CACHD1: variants seen among roughly 807,000 people sequenced by gnomAD.
CACHD1 encodes cache domain containing 1, also known as VWFA and cache domain-containing protein 1.
A neutral mutation model predicts 138.7 loss-of-function variants in CACHD1; 71 were observed. The observed-to-expected ratio is 0.51, with a 90% confidence interval of 0.42 to 0.62. The LOEUF is 0.62. Ranked by LOEUF, CACHD1 falls within the 20% of genes least tolerant of loss-of-function variation. CACHD1 has a pLI of 0.00. For missense variants in CACHD1, 1,389 were observed against 1,625.3 expected (o/e 0.85, Z 2.50); for synonymous variants, 578 against 591.5 (o/e 0.98, Z 0.33).
At chr1:64,504,760 T>C (rs1646358691) in intron 1 of CACHD1, among the ~76,000 whole-genome samples, 1 of 152,136 alleles carries the variant, frequency 6.6e-6, no homozygotes, top group Non-Finnish European at 1.5e-5. Flanking sequence ...TGTACCTACT[T>C]TGAGGTGGAC....
Position 64,562,622 on chromosome 1 carries a change from C to T in CACHD1, c.261+11966C>T, listed in dbSNP as rs963465502. On this transcript the variant is annotated intron_variant, in intron 2 of 26. Coordinates refer to ENST00000651257, the MANE Select transcript of CACHD1 (RefSeq NM_020925.4). ...TATTTTAGTAGAGATGGGGTTTCAC[C>T]ATGTTGACCAAGATGGTGTCGATCT... Among the ~76,000 whole-genome samples, 4 of 149,512 alleles carry T rather than the reference C, an allele frequency of 2.7e-5. No individual in the cohort carries two copies. The East Asian group carries it at 7.8e-4, about 29-fold the overall frequency.
At chr1:64,662,071 A>C (rs1000189122) in intron 13 of CACHD1, among the ~76,000 whole-genome samples, 2 of 152,346 alleles carry the variant, frequency 1.3e-5, no homozygotes, top group Non-Finnish European at 2.9e-5. Flanking sequence ...CTACCAATCC[A>C]GAAGAAACAG....
chr1:64,640,741 TTATATATATATA>T (rs67605354), intron 7 of CACHD1, among the ~76,000 whole-genome samples: 147,297 of 149,408 alleles, frequency 0.99, 72,643 homozygotes, highest in East Asian at 1. Flanking sequence ...ACTCTCAACA[TTATATATATATA>T]TATATATATA....
intron 1 of CACHD1, among the ~76,000 whole-genome samples, chr1:64,532,175 G>A (rs1015976027): frequency 2.0e-5 from 3 of 152,206 alleles, no homozygotes; most frequent in Admixed American, 6.5e-5. Flanking sequence ...TACATTCTAA[G>A]TAGCAGAGAG....
Position 64,492,929 on chromosome 1 carries a change from A to G in CACHD1, c.198+21987A>G, listed in dbSNP as rs1027631913. On this transcript the variant is annotated intron_variant, in intron 1 of 26. Transcript: ENST00000651257. The stretch of plus-strand genomic sequence containing the variant: ...TGTGAGATACTTAGCAGTAGAGACT[A>G]CATCTGCTTTCCCTGAATCCCTACC... 2.6e-5 allele frequency among the ~76,000 whole-genome samples: 4 copies of G among 152,304 alleles called. No individual in the cohort carries two copies. The East Asian group carries it at 5.8e-4, about 22-fold the overall frequency.
At chr1:64,580,492 A>G (rs1297443801) in intron 2 of CACHD1, among the ~76,000 whole-genome samples, 2 of 152,204 alleles carry the variant, frequency 1.3e-5, no homozygotes, top group Non-Finnish European at 2.9e-5. Flanking sequence ...CATACCCAAG[A>G]ATAGCCCTTA....
intron 4 of CACHD1, among the ~76,000 whole-genome samples, chr1:64,606,393 G>A (rs1323694243): frequency 6.6e-6 from 1 of 152,158 alleles, no homozygotes; most frequent in Non-Finnish European, 1.5e-5. Context: ...TGAATTGAGT[G>A]ACTGTTTGGT....
At chr1:64,632,952 G>A (rs1324655026) in intron 6 of CACHD1, among the ~76,000 whole-genome samples, 2 of 152,148 alleles carry the variant, frequency 1.3e-5, no homozygotes, top group Non-Finnish European at 2.9e-5. Flanking sequence ...GAACACCTAG[G>A]TTAGCCCTCA....
chr1:64,561,469 A>T (rs925554198), intron 2 of CACHD1, among the ~76,000 whole-genome samples: 1 of 152,196 alleles, frequency 6.6e-6, no homozygotes, highest in African/African-American at 2.4e-5. Context: ...ATAACAGCTG[A>T]TATTGAATCT....
chr1:64,564,379 C>T lies in CACHD1; in HGVS notation c.261+13723C>T, dbSNP rs75925919. On this transcript the variant is annotated intron_variant, in intron 2 of 26. Coordinates refer to ENST00000651257, the MANE Select transcript of CACHD1 (RefSeq NM_020925.4). ...CCCCTCACCCTCCCATAACTTGTGT[C>T]GCCACCCCCTTCCCCAGAAGCCCCA... is the stretch of plus-strand genomic sequence containing the variant. 6.1e-3 allele frequency among the ~76,000 whole-genome samples: 930 copies of T among 152,176 alleles called. 11 individuals are homozygous for T. Among genetic ancestry groups the T allele is most frequent in the African/African-American group, 0.021 (892 of 41,504 alleles).
Position 64,691,883 on chromosome 1 carries a change from A to G in CACHD1, c.*322A>G, listed in dbSNP as rs1322475605. On this transcript the variant is annotated 3_prime_UTR_variant, in exon 27 of 27. Transcript: ENST00000651257. ...GAACCTGCAAGTGAAGCTGAGCCAGAGGAATGTTCCAAAGAGCCAGAAGCA... is the reference window on the plus strand; with the variant it reads ...GAACCTGCAAGTGAAGCTGAGCCAGGGGAATGTTCCAAAGAGCCAGAAGCA... 6.1e-6 allele frequency: 2 copies of G among 327,874 alleles called. No homozygotes were observed. Among genetic ancestry groups the G allele is most frequent in the African/African-American group, 4.1e-5 (2 of 48,252 alleles). 20.3% of individuals were successfully genotyped at this position (327,874 alleles called of 1,614,324 possible). A position where few individuals can be genotyped will look rare whatever the true frequency, so the allele number is the denominator to read the frequency against.
chr1:64,621,933 A>G (rs535793387), intron 4 of CACHD1, among the ~76,000 whole-genome samples: 7 of 152,318 alleles, frequency 4.6e-5, no homozygotes, highest in Admixed American at 1.3e-4. Context: ...TTTGGATGCT[A>G]TATATTGAGT....
intron 3 of CACHD1, among the ~76,000 whole-genome samples, chr1:64,597,355 A>C (rs1347391944): frequency 6.6e-6 from 1 of 152,110 alleles, no homozygotes; most frequent in African/African-American, 2.4e-5. Context: ...AGCAGTTTGC[A>C]CATCAGAGCA....
At chr1:64,491,423 G>A (rs1646274076) in intron 1 of CACHD1, among the ~76,000 whole-genome samples, 1 of 152,178 alleles carries the variant, frequency 6.6e-6, no homozygotes, top group Non-Finnish European at 1.5e-5. Flanking sequence ...CATGGTGGAA[G>A]GCAAAGGGGA....
chr1:64,507,433 C>T (rs1646386112), intron 1 of CACHD1, among the ~76,000 whole-genome samples: 1 of 152,112 alleles, frequency 6.6e-6, no homozygotes, highest in African/African-American at 2.4e-5. Context: ...TAGTGGGCTG[C>T]CTGGTTAATG....
intron 6 of CACHD1, 86 bp from the exon 7 acceptor site, chr1:64,633,958 T>A: frequency 3.0e-6 from 3 of 1,011,244 alleles, no homozygotes; most frequent in Non-Finnish European, 4.4e-6. Context: ...TTCTTACTCC[T>A]TGGCCTCTTC....
chr1:64,547,305 A>C (rs952388363), intron 1 of CACHD1, among the ~76,000 whole-genome samples: 1 of 152,208 alleles, frequency 6.6e-6, no homozygotes, highest in Non-Finnish European at 1.5e-5. Flanking sequence ...GAGCATAGTG[A>C]AAATTCACCC....
intron 2 of CACHD1, among the ~76,000 whole-genome samples, chr1:64,564,764 T>A (rs994785578): frequency 6.6e-6 from 1 of 152,186 alleles, no homozygotes; most frequent in African/African-American, 2.4e-5. Flanking sequence ...GTAGAAGCTT[T>A]TAATAGAAGC....
intron 3 of CACHD1, among the ~76,000 whole-genome samples, chr1:64,584,806 G>C (rs761186117): frequency 2.6e-5 from 4 of 152,140 alleles, no homozygotes; most frequent in Middle Eastern, 3.2e-3. Context: ...GAGTAAGAAG[G>C]TGTCTACTCT....
Sources: gnomAD v4.1 joint callset for allele counts (sites outside exome capture counted in the v4.1 genomes callset) on GRCh38, gnomAD v4.1.1 for gene constraint, MANE v1.5 for transcripts, NCBI Gene and HGNC (gene_info 2026-07-23, HGNC 2026-07-21) for gene names.